APOLD1: variants seen among roughly 807,000 people sequenced by gnomAD.
APOLD1 encodes apolipoprotein L domain-containing protein 1.
Under a neutral mutation model 15.3 loss-of-function variants are expected in APOLD1, and 22 were observed. The ratio of observed to expected loss-of-function variants is 1.44; its 90% confidence interval spans 1.03 to 2.05. The LOEUF (loss-of-function observed/expected upper bound fraction) is 2.05, where lower values mean the gene tolerates loss of function less well. Ranked by LOEUF, APOLD1 falls within the 30% of genes most tolerant of loss-of-function variation. APOLD1 has a pLI of 0.00. For missense variants in APOLD1, 394 were observed against 353.5 expected, an observed-to-expected ratio of 1.11 and a Z score of -0.92; for synonymous variants, 190 against 167.4, an observed-to-expected ratio of 1.13 and a Z score of -1.04.
intron 1 of APOLD1, among the ~76,000 whole-genome samples, chr12:12,733,292 T>TC (rs1303599712): frequency 2.6e-5 from 4 of 151,744 alleles, no homozygotes; most frequent in African/African-American, 9.7e-5. Context: ...GCCACTGCAC[T>TC]CCAGCCTGGG....
chr12:12,739,270 G>T (rs1333556923), intron 1 of APOLD1, among the ~76,000 whole-genome samples: 1 of 152,200 alleles, frequency 6.6e-6, no homozygotes, highest in Non-Finnish European at 1.5e-5. Context: ...GGTTATTGAG[G>T]AATTTGTATT....
intron 1 of APOLD1, among the ~76,000 whole-genome samples, chr12:12,765,012 C>A (rs1946933486): frequency 6.6e-6 from 1 of 152,106 alleles, no homozygotes; most frequent in African/African-American, 2.4e-5. Flanking sequence ...CATCTTGGAA[C>A]CTTCATTTCC....
upstream of APOLD1, among the ~76,000 whole-genome samples, chr12:12,781,347 G>A (rs1947078104): frequency 6.6e-6 from 1 of 152,116 alleles, no homozygotes. Context: ...GGGAGGCTGA[G>A]ACAGGAGAAT....
intron 1 of APOLD1, among the ~76,000 whole-genome samples, chr12:12,736,034 C>A (rs1374703240): frequency 6.6e-6 from 1 of 151,984 alleles, no homozygotes; most frequent in African/African-American, 2.4e-5. Flanking sequence ...GCCTGGGTAC[C>A]ATGGCAAAAC....
In APOLD1 at chr12:12,787,189, C is replaced by A; in HGVS notation, c.284C>A (p.Ala95Asp). ...LLVSAVGLGV[A>D]TAGGAVTITS... ...GTGTCGGCCGTGGGGCTGGGGGTGG[C>A]CACAGCCGGAGGGGCCGTCACCATC... Residue 95 changes from alanine (A) to aspartate (D), a missense_variant, in exon 2 of 2, where the codon GCC becomes GAC. Transcript: ENST00000356591. The surrounding 1 kb of genome is among the most constrained non-coding windows in gnomAD (Gnocchi z 4.9). 6.5e-7 allele frequency: 1 copy of A among 1,542,436 alleles called. No individual in the cohort carries two copies. Among genetic ancestry groups the A allele is most frequent in the Non-Finnish European group, 8.7e-7 (1 of 1,153,356 alleles).
At chr12:12,777,889 GTTTTTTTTTTTTTTTTTTTTTTTT>G (rs71436735) in intron 1 of APOLD1, among the ~76,000 whole-genome samples, 13 of 117,062 alleles carry the variant, frequency 1.1e-4, no homozygotes, top group African/African-American at 2.6e-4. Flanking sequence ...AAGGAAAGGT[GTTTTTTTTTTTTTTTTTTTTTTTT>G]TTTTTTTTTT....
intron 1 of APOLD1, chr12:12,726,197 A>T (rs1472992345): frequency 1.1e-6 from 1 of 875,548 alleles, no homozygotes; most frequent in Non-Finnish European, 1.7e-6. Flanking sequence ...ATAGAGGAAA[A>T]ATGTGTTATT....
chr12:12,748,711 C>T (rs6488552), intron 1 of APOLD1, among the ~76,000 whole-genome samples: 111,435 of 151,708 alleles, frequency 0.73, 41,124 homozygotes, highest in African/African-American at 0.81. Context: ...CACTGTGGCA[C>T]AGGAAAAAAA....
chr12:12,777,012 A>G (rs890627861), intron 1 of APOLD1, among the ~76,000 whole-genome samples: 4 of 152,248 alleles, frequency 2.6e-5, no homozygotes, highest in African/African-American at 9.6e-5. Context: ...TGTATATAAT[A>G]AACTCCAGGT....
At chr12:12,775,323 A>G (rs1947022617) in intron 1 of APOLD1, among the ~76,000 whole-genome samples, 1 of 152,208 alleles carries the variant, frequency 6.6e-6, no homozygotes, top group Non-Finnish European at 1.5e-5. Flanking sequence ...CGAGGTGCAG[A>G]GGATTTCCAG....
At chr12:12,745,261 G>C (rs1946756804) in intron 1 of APOLD1, among the ~76,000 whole-genome samples, 1 of 152,162 alleles carries the variant, frequency 6.6e-6, no homozygotes, top group South Asian at 2.1e-4. Context: ...ACTGAAGAAG[G>C]CCGGGCGAGG....
chr12:12,726,067 C>T lies in APOLD1; in HGVS notation c.67C>T (p.Arg23Ter), dbSNP rs1946589248. ...TCGGAAGGCGCGGGCAGGAGCCTGG[C>T]GAGGATGCACCTTCCCCTGCCTTGG... The change falls in exon 1 of 2, where the codon CGA (arginine) becomes TGA (stop). Residue 23 changes from arginine (R) to a stop codon, truncating the protein, a stop_gained. Coordinates refer to the APOLD1 transcript ENST00000326765. LOFTEE classifies it high-confidence loss of function. 6.7e-7 allele frequency: 1 copy of T among 1,490,128 alleles called. No individual in the cohort carries two copies. The highest frequency in any genetic ancestry group is 2.2e-5 in the Admixed American group (1 of 45,416). The allele number at this position is 1,490,128 out of a possible 1,614,324, so 92.3% of individuals were successfully genotyped here.
At chr12:12,726,156 CAAAA>C (rs745785485) in intron 1 of APOLD1, 1,368 of 112,680 alleles carry the variant, frequency 0.012, no homozygotes, top group South Asian at 0.018. Context: ...TCTTCGCAAC[CAAAA>C]AAAAAAAAAA....
chr12:12,749,582 GTTGT>G, intron 1 of APOLD1, among the ~76,000 whole-genome samples: 1 of 152,312 alleles, frequency 6.6e-6, no homozygotes, highest in South Asian at 2.1e-4. Flanking sequence ...CAGCCAATTA[GTTGT>G]TTGCACAGGA....
At chr12:12,771,998 A>G (rs1760529342) in intron 1 of APOLD1, among the ~76,000 whole-genome samples, 1 of 152,222 alleles carries the variant, frequency 6.6e-6, no homozygotes, top group Non-Finnish European at 1.5e-5. Flanking sequence ...ATATGCTAAA[A>G]AATGAGAAAA....
intron 1 of APOLD1, among the ~76,000 whole-genome samples, chr12:12,767,011 C>T (rs1946947354): frequency 6.6e-6 from 1 of 151,944 alleles, no homozygotes; most frequent in African/African-American, 2.4e-5. Context: ...TTTGGGAGGC[C>T]AAGGTGGGTG....
At chr12:12,775,006 T>C (rs1162226277) in intron 1 of APOLD1, among the ~76,000 whole-genome samples, 2 of 152,214 alleles carry the variant, frequency 1.3e-5, no homozygotes, top group African/African-American at 4.8e-5. Flanking sequence ...ACACAGATGC[T>C]TACCACAGCT....
rs1408578474 is a variant in APOLD1, at chr12:12,787,047, C to T, written c.142C>T (p.Leu48=). 1.5e-6 allele frequency: 2 copies of T among 1,374,116 alleles called. No individual in the cohort carries two copies. The highest frequency in any genetic ancestry group is 3.4e-5 in the South Asian group (2 of 58,698). 85.1% of individuals were successfully genotyped at this position (1,374,116 alleles called of 1,614,324 possible). The change falls in exon 2 of 2, where the codon CTG becomes TTG. Residue 48 remains leucine, a synonymous_variant. Transcript: ENST00000356591. This position sits in a 1 kb window ranked among gnomAD's most constrained non-coding sequence, Gnocchi z 4.9. ...LREVARRLER[L]RRRSLVANVA... ...CGAGGTGGCCCGGCGCCTGGAGCGCCTGCGCAGGCGCTCCCTCGTAGCCAA... is the reference window on the plus strand; with the variant it reads ...CGAGGTGGCCCGGCGCCTGGAGCGCTTGCGCAGGCGCTCCCTCGTAGCCAA...
At chr12:12,734,291 C>T (rs762609818) in intron 1 of APOLD1, among the ~76,000 whole-genome samples, 39 of 152,136 alleles carry the variant, frequency 2.6e-4, no homozygotes, top group Admixed American at 2.2e-3. Context: ...TCAGGGAATC[C>T]GCCTGGGAAT....
Sources: gnomAD v4.1 joint callset for allele counts (sites outside exome capture counted in the v4.1 genomes callset) on GRCh38, gnomAD v4.1.1 for gene constraint, Gnocchi (gnomAD v3.1) non-coding constraint, MANE v1.5 for transcripts, NCBI Gene and HGNC (gene_info 2026-07-23, HGNC 2026-07-21) for gene names.